Variants in ZNF227 observed in about 807,000 individuals in gnomAD.
ZNF227 encodes zinc finger protein 227.
Under a neutral mutation model 13.2 loss-of-function variants are expected in ZNF227, and 12 were observed. The ratio of observed to expected loss-of-function variants is 0.91; its 90% confidence interval spans 0.58 to 1.47. The LOEUF (loss-of-function observed/expected upper bound fraction) is 1.47, where lower values mean the gene tolerates loss of function less well. ZNF227 is among the 40% of genes most tolerant of loss of function. The pLI, the probability that ZNF227 is intolerant of heterozygous loss-of-function variation, is 0.00. For synonymous variants in ZNF227, 338 were observed against 326.0 expected (o/e 1.04, Z -0.40); for missense variants, 885 against 967.5 (o/e 0.91, Z 1.13).
At chr19:44,220,194 G>C (rs1972337984) in intron 3 of ZNF227, among the ~76,000 whole-genome samples, 1 of 152,108 alleles carries the variant, frequency 6.6e-6, no homozygotes, top group South Asian at 2.1e-4. Context: ...GGACATTTGG[G>C]TTGGTTCCAA....
intron 3 of ZNF227, among the ~76,000 whole-genome samples, chr19:44,226,125 T>C (rs1973120150): frequency 6.6e-6 from 1 of 152,224 alleles, no homozygotes; most frequent in Non-Finnish European, 1.5e-5. Context: ...TGCTGCTGCC[T>C]GATTGTTCCT....
At chr19:44,231,758 G>T (rs1973869414) in intron 5 of ZNF227, among the ~76,000 whole-genome samples, 1 of 152,130 alleles carries the variant, frequency 6.6e-6, no homozygotes, top group African/African-American at 2.4e-5. Context: ...TAATTATTTG[G>T]GAACACTGTC....
chr19:44,208,627 C>A (rs77844999), upstream of ZNF227, among the ~76,000 whole-genome samples: 502 of 152,262 alleles, frequency 3.3e-3, 2 homozygotes, highest in Non-Finnish European at 4.5e-3. Flanking sequence ...AGAGGGAAGA[C>A]GAACCCTAAA....
chr19:44,234,903 G>A lies in ZNF227; in HGVS notation c.473G>A (p.Gly158Glu), dbSNP rs753652284. 6.2e-7 allele frequency: 1 copy of A among 1,612,854 alleles called. No individual in the cohort carries two copies. Among genetic ancestry groups the A allele is most frequent in the Non-Finnish European group, 8.5e-7 (1 of 1,179,726 alleles). The change falls in exon 6 of 6, where the codon GGA becomes GAA. Residue 158 changes from glycine to glutamate, a missense_variant. Physicochemically the swap from Gly to Glu is moderately conservative, Grantham distance 98. Transcript: ENST00000313040. ...GAGAACAATATAATGAACCCTAAAGGAGATAGCTCTATTTATATTGAAAAT... is the reference window on the plus strand; with the variant it reads ...GAGAACAATATAATGAACCCTAAAGAAGATAGCTCTATTTATATTGAAAAT... ...ENENNIMNPK[G>E]DSSIYIENQE...
rs576332061 is a variant in ZNF227, at chr19:44,216,679, C to T, written c.-2-1112C>T. ...TTATCTTTCATGTTTCTTGATTTTT[C>T]GTTTGTGCTTTATCTTTCTCTTTGC... is the stretch of plus-strand genomic sequence containing the variant. On this transcript the variant is annotated intron_variant, in intron 2 of 5. Coordinates refer to ENST00000313040, the MANE Select transcript of ZNF227 (RefSeq NM_182490.3). 1.5e-4 allele frequency among the ~76,000 whole-genome samples: 10 copies of T among 64,520 alleles called. No homozygotes were observed. The East Asian group carries it at 2.2e-3, about 14-fold the overall frequency. The allele number at this position is 64,520 out of a possible 152,430, so 42.3% of individuals were successfully genotyped here.
intron 2 of ZNF227, chr19:44,217,357 C>T (rs1382302690): frequency 2.2e-6 from 1 of 449,426 alleles, no homozygotes; most frequent in Non-Finnish European, 4.4e-6. Context: ...CTTATTTAAT[C>T]CTTGGAAAAA....
In ZNF227 at chr19:44,228,496, G is replaced by A. The variant is rs145349391; in HGVS notation, c.111G>A (p.Leu37=). ...DVAVVFSREE[L]RLLDLTQRKL... is the part of the protein sequence containing the mutation. ...CTGTGGTCTTCTCCAGGGAGGAACTGCGACTGCTCGATCTTACCCAGAGGA... is the reference window on the plus strand; with the variant it reads ...CTGTGGTCTTCTCCAGGGAGGAACTACGACTGCTCGATCTTACCCAGAGGA... Residue 37 remains leucine (L), a synonymous_variant, in exon 4 of 6, where the codon CTG becomes CTA. Coordinates refer to ENST00000313040, the MANE Select transcript of ZNF227 (RefSeq NM_182490.3). The A allele has an allele frequency of 1.2e-6, 2 of 1,613,904 alleles. No homozygotes were observed. Among genetic ancestry groups the A allele is most frequent in the East Asian group, 2.2e-5 (1 of 44,848 alleles).
intron 2 of ZNF227, among the ~76,000 whole-genome samples, chr19:44,214,240 AAACTT>A (rs200339608): frequency 2.0e-5 from 3 of 152,178 alleles, no homozygotes; most frequent in Admixed American, 6.5e-5. Flanking sequence ...TATATTCAGA[AAACTT>A]AAATTACTTA....
At chr19:44,227,734 A>G (rs528400588) in intron 3 of ZNF227, among the ~76,000 whole-genome samples, 130 of 152,314 alleles carry the variant, frequency 8.5e-4, no homozygotes, top group Non-Finnish European at 1.7e-3. Flanking sequence ...GTGAGAGATT[A>G]AGGAATTTGC....
At position 44,235,194 on chromosome 19, in the gene ZNF227, G is replaced by A. The variant is rs1974305084; in HGVS notation, c.764G>A (p.Cys255Tyr). Residue 255 changes from cysteine to tyrosine, a missense_variant, in exon 6 of 6, where the codon TGT becomes TAT. Transcript: ENST00000313040. ...LGEKPHPCGE[C>Y]GRGFSYSPRL... The stretch of plus-strand genomic sequence containing the variant: ...GAGAAACCCCATCCATGTGGTGAGT[G>A]TGGAAGGGGCTTCAGTTATAGCCCA... 5 of 1,614,156 alleles carry A rather than the reference G, an allele frequency of 3.1e-6. No individual in the cohort carries two copies. Among genetic ancestry groups the A allele is most frequent in the African/African-American group, 1.3e-5 (1 of 75,056 alleles).
intron 5 of ZNF227, among the ~76,000 whole-genome samples, chr19:44,230,927 ATATATATATAT>A (rs1258684534): frequency 1.3e-5 from 1 of 76,802 alleles, no homozygotes; most frequent in African/African-American, 9.3e-5. Flanking sequence ...AAAAAAAAAA[ATATATATATAT>A]ATATATATAT....
In ZNF227 at chr19:44,229,759, G is replaced by C; in HGVS notation, c.214G>C (p.Val72Leu). ...GCATCTTCCCTTCCAACCAGATATGGTATCCCAATTGGAAGCAGAAGAAAA... is the reference window on the plus strand; with the variant it reads ...GCATCTTCCCTTCCAACCAGATATGCTATCCCAATTGGAAGCAGAAGAAAA... The part of the protein sequence containing the change: ...VGHLPFQPDM[V>L]SQLEAEEKLW... The change falls in exon 5 of 6, where the codon GTA (valine) becomes CTA (leucine). Residue 72 changes from valine to leucine, a missense_variant. Transcript: ENST00000313040. 2 of 1,588,358 alleles carry C rather than the reference G, an allele frequency of 1.3e-6. No homozygotes were observed. The highest frequency in any genetic ancestry group is 1.7e-6 in the Non-Finnish European group (2 of 1,163,144).
intron 3 of ZNF227, among the ~76,000 whole-genome samples, chr19:44,223,158 TGG>T (rs1972733200): frequency 6.6e-6 from 1 of 152,140 alleles, no homozygotes; most frequent in Non-Finnish European, 1.5e-5. Flanking sequence ...CTGCTGGATT[TGG>T]TTTGCCAGTA....
At position 44,217,971 on chromosome 19, in the gene ZNF227, T is replaced by C; in HGVS notation, c.60+119T>C. ...AAACAGATATTCAGGACATGTGGTA[T>C]GCTGACATGTATGTGTTTTTTTGTT... is the stretch of plus-strand genomic sequence containing the variant. On this transcript the variant is annotated intron_variant, in intron 3 of 5. Transcript: ENST00000313040. The C allele has an allele frequency of 9.9e-6, 11 of 1,109,504 alleles. No individual in the cohort carries two copies. In the South Asian group the frequency reaches 1.1e-4, roughly 12 times the overall value. The allele number at this position is 1,109,504 out of a possible 1,614,324, so 68.7% of individuals were successfully genotyped here. A position where few individuals can be genotyped will look rare whatever the true frequency, so the allele number is the denominator to read the frequency against.
chr19:44,210,214 T>C (rs1358890377), upstream of ZNF227, among the ~76,000 whole-genome samples: 11 of 152,238 alleles, frequency 7.2e-5, no homozygotes, highest in Admixed American at 7.2e-4. Flanking sequence ...TGATGCATGG[T>C]TATTGATAAT....
intron 3 of ZNF227, among the ~76,000 whole-genome samples, chr19:44,222,969 A>G (rs995026367): frequency 5.9e-5 from 9 of 151,946 alleles, no homozygotes; most frequent in African/African-American, 1.9e-4. Context: ...AGTTTTTAGC[A>G]TGAAGGGTTG....
At chr19:44,226,900 C>G (rs1973227254) in intron 3 of ZNF227, among the ~76,000 whole-genome samples, 1 of 152,212 alleles carries the variant, frequency 6.6e-6, no homozygotes, top group Admixed American at 6.5e-5. Flanking sequence ...GGAGCTGTTC[C>G]TATTCAGCCA....
Position 44,234,840 on chromosome 19 carries a change from A to G in ZNF227, c.410A>G (p.Gln137Arg). The change falls in exon 6 of 6, where the codon CAG becomes CGG. Residue 137 changes from glutamine (Q) to arginine (R), a missense_variant. Gln to Arg is a conservative substitution (Grantham distance 43). Coordinates refer to ENST00000313040, the MANE Select transcript of ZNF227 (RefSeq NM_182490.3). Reference sequence around the variant, plus strand: ...AGGTGTCTTCAGGGGAAGAGTTCCCAGTTATTACAAGGTGACTCTATTCAG... The same window carrying G: ...AGGTGTCTTCAGGGGAAGAGTTCCCGGTTATTACAAGGTGACTCTATTCAG... ...LTRCLQGKSS[Q>R]LLQGDSIQVS... is the part of the protein sequence containing the mutation. The G allele has an allele frequency of 6.2e-7, 1 of 1,614,118 alleles. No homozygotes were observed. Among genetic ancestry groups the G allele is most frequent in the Non-Finnish European group, 8.5e-7 (1 of 1,180,016 alleles).
intron 3 of ZNF227, among the ~76,000 whole-genome samples, chr19:44,223,247 T>A (rs553784776): frequency 6.6e-6 from 1 of 152,128 alleles, no homozygotes; most frequent in African/African-American, 2.4e-5. Context: ...TGTCTCTGCC[T>A]GGCTTTGGTA....
Sources: allele counts gnomAD v4.1 joint callset (sites outside exome capture counted in the v4.1 genomes callset), GRCh38; gene constraint gnomAD v4.1.1; transcripts MANE v1.5; gene names NCBI Gene and HGNC (gene_info 2026-07-23, HGNC 2026-07-21).